Variants in NCAM2 observed in about 807,000 individuals in gnomAD.
NCAM2 encodes N-CAM-2.
NCAM2 carries 30 observed loss-of-function variants against 98.1 expected under a neutral mutation model. The observed-to-expected ratio is 0.31, with a 90% CI of 0.23 to 0.41. The LOEUF (loss-of-function observed/expected upper bound fraction) is 0.41, where lower values mean the gene tolerates loss of function less well. Among genes scored for constraint, NCAM2 ranks in the 10% least tolerant of loss-of-function variants. The pLI, the probability that NCAM2 is intolerant of heterozygous loss-of-function variation, is 1.00. For synonymous variants in NCAM2, 368 were observed against 342.4 expected (o/e 1.07, Z -0.83); for missense variants, 867 against 1,005.8 (o/e 0.86, Z 1.87).
chr21:21,485,545 G>C (rs1393400585), intron 15 of NCAM2, among the ~76,000 whole-genome samples: 2 of 152,110 alleles, frequency 1.3e-5, no homozygotes, highest in Admixed American at 6.5e-5. Flanking sequence ...CATGAAGAAT[G>C]ATTTTTGGTC....
At chr21:21,011,415 G>A (rs1322115146) in intron 1 of NCAM2, among the ~76,000 whole-genome samples, 2 of 151,918 alleles carry the variant, frequency 1.3e-5, no homozygotes, top group Non-Finnish European at 2.9e-5. Flanking sequence ...TCTAGCTTCA[G>A]GTTTTTATCA....
chr21:21,386,412 A>G (rs1192223525), intron 9 of NCAM2, among the ~76,000 whole-genome samples: 1 of 152,202 alleles, frequency 6.6e-6, no homozygotes, highest in Non-Finnish European at 1.5e-5. Flanking sequence ...ACTTTAAAGA[A>G]GATGGCTCAT....
chr21:21,311,583 C>T (rs943583870), intron 5 of NCAM2, among the ~76,000 whole-genome samples: 2 of 152,088 alleles, frequency 1.3e-5, no homozygotes, highest in African/African-American at 4.8e-5. Context: ...CCTCGTGATC[C>T]ACCCACCTCA....
intron 1 of NCAM2, among the ~76,000 whole-genome samples, chr21:21,052,661 C>G (rs574973289): frequency 6.6e-6 from 1 of 152,222 alleles, no homozygotes; most frequent in Middle Eastern, 3.4e-3. Flanking sequence ...ATCTCATCCC[C>G]TGGGCAAATA....
chr21:21,406,922 G>T (rs1423001468), intron 9 of NCAM2, among the ~76,000 whole-genome samples: 2 of 152,068 alleles, frequency 1.3e-5, no homozygotes, highest in African/African-American at 2.4e-5. Context: ...ATATGTGAAA[G>T]AATATAGCAT....
At chr21:21,252,533 G>A (rs968444862) in intron 1 of NCAM2, among the ~76,000 whole-genome samples, 2 of 151,842 alleles carry the variant, frequency 1.3e-5, no homozygotes, top group African/African-American at 4.8e-5. Flanking sequence ...TGAGAGCTAC[G>A]AAAGAAAATT....
chr21:21,348,429 C>T (rs1429555797), intron 8 of NCAM2, among the ~76,000 whole-genome samples: 4 of 151,834 alleles, frequency 2.6e-5, no homozygotes, highest in East Asian at 3.9e-4. Flanking sequence ...TTTGTAAACA[C>T]TGATGAAAAA....
chr21:21,040,866 G>A (rs556393166), intron 1 of NCAM2, among the ~76,000 whole-genome samples: 25 of 152,210 alleles, frequency 1.6e-4, no homozygotes, highest in Admixed American at 1.2e-3. Context: ...GGCACTGTCG[G>A]TGACTCTAGT....
chr21:21,487,092 A>G (rs1986453831), intron 15 of NCAM2, among the ~76,000 whole-genome samples: 1 of 152,158 alleles, frequency 6.6e-6, no homozygotes, highest in African/African-American at 2.4e-5. Context: ...AAAAAGTACA[A>G]AACTAAACAA....
At chr21:21,108,810 A>C (rs1428464124) in intron 1 of NCAM2, among the ~76,000 whole-genome samples, 1 of 152,236 alleles carries the variant, frequency 6.6e-6, no homozygotes, top group African/African-American at 2.4e-5. Flanking sequence ...AAATGTTAGC[A>C]TTTCAGGAAT....
At chr21:21,383,449 C>G (rs1569002468) in intron 9 of NCAM2, among the ~76,000 whole-genome samples, 1 of 152,026 alleles carries the variant, frequency 6.6e-6, no homozygotes, top group East Asian at 1.9e-4. Context: ...TTTTAGTTAC[C>G]ACGATCACTT....
intron 15 of NCAM2, among the ~76,000 whole-genome samples, chr21:21,492,510 G>T (rs1986922162): frequency 6.6e-6 from 1 of 151,774 alleles, no homozygotes; most frequent in African/African-American, 2.4e-5. Context: ...TAAGTTTATG[G>T]TTTTAAATGA....
At chr21:21,284,439 C>T in intron 3 of NCAM2, 39 bp downstream of exon 3, 1 of 1,484,044 alleles carries the variant, frequency 6.7e-7, no homozygotes, top group Non-Finnish European at 9.3e-7. Context: ...TATTCAATTT[C>T]AGTTGCTTAT....
At chr21:21,090,946 T>G (rs2066000413) in intron 1 of NCAM2, among the ~76,000 whole-genome samples, 1 of 152,222 alleles carries the variant, frequency 6.6e-6, no homozygotes, top group Non-Finnish European at 1.5e-5. Flanking sequence ...TTCTCCTCAT[T>G]AATGCTTTTC....
chr21:21,073,307 T>C (rs2065611660), intron 1 of NCAM2, among the ~76,000 whole-genome samples: 1 of 152,164 alleles, frequency 6.6e-6, no homozygotes, highest in South Asian at 2.1e-4. Flanking sequence ...AAAACACTAA[T>C]TGTTAAGATT....
At chr21:21,178,633 A>T (rs969299858) in intron 1 of NCAM2, among the ~76,000 whole-genome samples, 5 of 152,020 alleles carry the variant, frequency 3.3e-5, no homozygotes, top group African/African-American at 1.2e-4. Flanking sequence ...ATAGTCCAAG[A>T]TCTCCATATC....
chr21:21,095,991 G>A (rs2066114754), intron 1 of NCAM2, among the ~76,000 whole-genome samples: 1 of 151,626 alleles, frequency 6.6e-6, no homozygotes, highest in Non-Finnish European at 1.5e-5. Context: ...TGTATCAAAA[G>A]TAATAAGAAC....
At chr21:21,406,558 A>T (rs1412265175) in intron 9 of NCAM2, among the ~76,000 whole-genome samples, 1 of 152,142 alleles carries the variant, frequency 6.6e-6, no homozygotes, top group African/African-American at 2.4e-5. Flanking sequence ...TGTCTGTGTC[A>T]CTTTCTTGAT....
chr21:21,027,966 C>T (rs1448125953), intron 1 of NCAM2, among the ~76,000 whole-genome samples: 2 of 151,832 alleles, frequency 1.3e-5, no homozygotes, highest in African/African-American at 2.4e-5. Flanking sequence ...AAGCGATTCT[C>T]CTGCCTCAGC....
Sources: gnomAD v4.1 joint callset for allele counts (sites outside exome capture counted in the v4.1 genomes callset) on GRCh38, gnomAD v4.1.1 for gene constraint, MANE v1.5 for transcripts, NCBI Gene and HGNC (gene_info 2026-07-23, HGNC 2026-07-21) for gene names.